TF: variants seen among roughly 807,000 people sequenced by gnomAD.
The protein encoded by TF is transferrin.
Under a neutral mutation model 82.4 loss-of-function variants are expected in TF, and 55 were observed. The ratio of observed to expected loss-of-function variants is 0.67; its 90% CI spans 0.54 to 0.84. The LOEUF (loss-of-function observed/expected upper bound fraction) is 0.84, where lower values mean the gene tolerates loss of function less well. TF is among the 40% of genes least tolerant of loss of function. TF has a pLI of 0.00. For synonymous variants in TF, 332 were observed against 332.6 expected, an observed-to-expected ratio of 1.00 and a Z score of 0.02; for missense variants, 737 against 868.4, an observed-to-expected ratio of 0.85 and a Z score of 1.90.
At chr3:133,691,664 A>T in the TF span, 1 of 152,860 alleles carries the variant, frequency 6.5e-6, no homozygotes, top group Non-Finnish European at 1.5e-5. Context: ...GCAGAGGGTT[A>T]GAGGAGTCTT....
At chr3:133,768,463 A>T (rs1934182565) in intron 13 of TF, among the ~76,000 whole-genome samples, 1 of 152,164 alleles carries the variant, frequency 6.6e-6, no homozygotes, top group Non-Finnish European at 1.5e-5. Context: ...TATTGTGACA[A>T]TGTTGGGGTG....
chr3:133,759,897 A>G (rs1261638742), intron 9 of TF, among the ~76,000 whole-genome samples: 1 of 152,198 alleles, frequency 6.6e-6, no homozygotes, highest in Non-Finnish European at 1.5e-5. Context: ...GATATAAAGA[A>G]GAAATAAAAA....
the TF span, among the ~76,000 whole-genome samples, chr3:133,734,769 G>A: frequency 6.6e-6 from 1 of 150,418 alleles, no homozygotes; most frequent in African/African-American, 2.5e-5. Flanking sequence ...CAAATCATGT[G>A]GTGATGCCAC....
chr3:133,735,093 A>C, the TF span, among the ~76,000 whole-genome samples: 1 of 152,208 alleles, frequency 6.6e-6, no homozygotes, highest in South Asian at 2.1e-4. Flanking sequence ...CTGTTGTCCC[A>C]GCACTTTGGG....
chr3:133,725,931 T>C, the TF span, among the ~76,000 whole-genome samples: 112 of 152,354 alleles, frequency 7.4e-4, 1 homozygote, highest in African/African-American at 2.6e-3. Context: ...GTTTTTGTCT[T>C]TGGTTCTGTT....
At chr3:133,703,862 G>A in the TF span, among the ~76,000 whole-genome samples, 1 of 152,202 alleles carries the variant, frequency 6.6e-6, no homozygotes, top group African/African-American at 2.4e-5. Flanking sequence ...TTATCTGGAA[G>A]AAACATATCC....
chr3:133,705,274 CAA>C, the TF span, among the ~76,000 whole-genome samples: 2,398 of 137,632 alleles, frequency 0.017, 55 homozygotes, highest in African/African-American at 0.055. Context: ...AACTCCATCT[CAA>C]AAAAAAAAAA....
rs1487971334 is a variant in TF at position 133,793,203 on chromosome 3, G to T, written c.*14583G>T. On this transcript the variant is annotated 3_prime_UTR_variant, in exon 17 of 17. Transcript: ENST00000402696. ...GGAAGGGAAAGACAAGAGACAGATT[G>T]TTTGTAAAGTAAGTCTTCCATCTAT... 6.6e-6 allele frequency: 1 copy of T among 152,094 alleles called. No homozygotes were observed. Among genetic ancestry groups the T allele is most frequent in the Admixed American group, 6.5e-5 (1 of 15,276 alleles). 9.4% of individuals were successfully genotyped at this position (152,094 alleles called of 1,614,324 possible). A position where few individuals can be genotyped will look rare whatever the true frequency, so the allele number is the denominator to read the frequency against.
chr3:133,706,663 T>C, the TF span, among the ~76,000 whole-genome samples: 8 of 152,160 alleles, frequency 5.3e-5, no homozygotes, highest in Non-Finnish European at 1.5e-5. Flanking sequence ...ACCAAGTGCA[T>C]ACTTGGGTTT....
At chr3:133,708,890 C>A in the TF span, among the ~76,000 whole-genome samples, 1 of 151,452 alleles carries the variant, frequency 6.6e-6, no homozygotes, top group African/African-American at 2.4e-5. Flanking sequence ...AGAAATGAAG[C>A]ACTATTTTAA....
At chr3:133,730,399 C>T in the TF span, among the ~76,000 whole-genome samples, 11 of 152,224 alleles carry the variant, frequency 7.2e-5, no homozygotes, top group Non-Finnish European at 1.2e-4. Flanking sequence ...TGGAGTTTCA[C>T]CTGCTACAAA....
chr3:133,746,687 C>G (rs1576353340), intron 1 of TF, among the ~76,000 whole-genome samples: 1 of 152,192 alleles, frequency 6.6e-6, no homozygotes, highest in Non-Finnish European at 1.5e-5. Context: ...CTGTCTTCTC[C>G]CCCTCCTCCT....
chr3:133,714,590 A>G, the TF span, among the ~76,000 whole-genome samples: 1 of 152,186 alleles, frequency 6.6e-6, no homozygotes, highest in African/African-American at 2.4e-5. Flanking sequence ...ACTTCTTCCA[A>G]AATGAACATA....
At chr3:133,728,811 G>T in the TF span, among the ~76,000 whole-genome samples, 1 of 152,140 alleles carries the variant, frequency 6.6e-6, no homozygotes, top group Admixed American at 6.5e-5. Flanking sequence ...TTTGATGATG[G>T]TGATGTACAG....
At chr3:133,705,473 C>T in the TF span, among the ~76,000 whole-genome samples, 1 of 152,102 alleles carries the variant, frequency 6.6e-6, no homozygotes, top group African/African-American at 2.4e-5. Flanking sequence ...ATGACCTCTC[C>T]CTCTCTTTCC....
chr3:133,754,401 C>T (rs746343812), intron 3 of TF, 94 bp from the exon 4 acceptor site: 2 of 1,341,330 alleles, frequency 1.5e-6, no homozygotes, highest in Non-Finnish European at 2.1e-6. Flanking sequence ...AGCATGGCCT[C>T]TCCGCTCCCC....
At chr3:133,672,739 G>A in the TF span, among the ~76,000 whole-genome samples, 1 of 143,026 alleles carries the variant, frequency 7.0e-6, no homozygotes, top group Admixed American at 7.0e-5. Context: ...GGGAAGGGAG[G>A]GGAAGGGGAG....
intron 4 of TF, among the ~76,000 whole-genome samples, chr3:133,754,932 G>T (rs1039235165): frequency 5.9e-5 from 9 of 152,214 alleles, no homozygotes; most frequent in Non-Finnish European, 1.2e-4. Flanking sequence ...CTCGGCAGAG[G>T]GTTTCAGTCT....
At chr3:133,665,682 T>A in the TF span, among the ~76,000 whole-genome samples, 1 of 151,586 alleles carries the variant, frequency 6.6e-6, no homozygotes, top group African/African-American at 2.4e-5. Context: ...TGGTGGCTCA[T>A]GCCTGTAATC....
Sources: gnomAD v4.1 joint callset for allele counts (sites outside exome capture counted in the v4.1 genomes callset) on GRCh38, gnomAD v4.1.1 for gene constraint, MANE v1.5 for transcripts, NCBI Gene and HGNC (gene_info 2026-07-23, HGNC 2026-07-21) for gene names.